The following RSU1 variants were observed in gnomAD, a reference collection of about 807,000 sequenced individuals.
The protein encoded by RSU1 is Ras suppressor protein 1, also known as rsu-1.
In RSU1, 26 loss-of-function variants were observed where a neutral mutation model predicts 31.1. The observed-to-expected ratio is 0.84, with a 90% confidence interval of 0.61 to 1.16. The LOEUF (loss-of-function observed/expected upper bound fraction) is 1.16, where lower values mean the gene tolerates loss of function less well. Ranked by LOEUF, RSU1 falls within the 50% of genes most tolerant of loss-of-function variation. RSU1 has a pLI of 0.00. For missense variants in RSU1, 320 were observed against 339.1 expected, an observed-to-expected ratio of 0.94 and a Z score of 0.44; for synonymous variants, 164 against 136.3, an observed-to-expected ratio of 1.20 and a Z score of -1.41.
intron 4 of RSU1, among the ~76,000 whole-genome samples, chr10:16,760,937 T>C (rs1837201044): frequency 6.6e-6 from 1 of 152,146 alleles, no homozygotes; most frequent in Non-Finnish European, 1.5e-5. Flanking sequence ...GGAGCTCGTT[T>C]ATTTATTTTT....
rs933542937 is a variant in RSU1 at position 16,604,334 on chromosome 10, G to A, written c.732-10838C>T. 2.0e-5 allele frequency among the ~76,000 whole-genome samples: 3 copies of A among 152,310 alleles called. No homozygotes were observed. In the East Asian group the frequency reaches 5.8e-4, roughly 29 times the overall value. ...CAGACCAGGGATATCAGCAAAGCTG[G>A]AGAGAGAACCTGCCCATCAGAGTCA... On this transcript the variant is annotated intron_variant, in intron 8 of 8. Transcript: ENST00000345264.
chr10:16,739,799 T>G (rs1836716275), intron 7 of RSU1, among the ~76,000 whole-genome samples: 1 of 152,000 alleles, frequency 6.6e-6, no homozygotes, highest in African/African-American at 2.4e-5. Context: ...TTTGTTGAGA[T>G]GGGGTTTCTC....
chr10:16,758,127 CAGTA>C (rs1261236137), intron 4 of RSU1, among the ~76,000 whole-genome samples: 4 of 152,210 alleles, frequency 2.6e-5, no homozygotes, highest in Admixed American at 2.0e-4. Context: ...CCGCTGACAG[CAGTA>C]AGTAACAGTG....
chr10:16,632,650 A>G (rs1292636751), intron 8 of RSU1, among the ~76,000 whole-genome samples: 4 of 152,106 alleles, frequency 2.6e-5, no homozygotes, highest in Non-Finnish European at 4.4e-5. Context: ...TAAGAACCCT[A>G]AAGACAGGCC....
intron 8 of RSU1, among the ~76,000 whole-genome samples, chr10:16,688,144 G>C (rs530718350): frequency 6.6e-6 from 1 of 152,142 alleles, no homozygotes; most frequent in South Asian, 2.1e-4. Flanking sequence ...TGAAATAAGA[G>C]ATGTGACACA....
chr10:16,653,147 G>A (rs557506648), intron 8 of RSU1, among the ~76,000 whole-genome samples: 175 of 152,300 alleles, frequency 1.1e-3, no homozygotes, highest in African/African-American at 3.9e-3. Flanking sequence ...CAGTGCTCAT[G>A]AGGCAAGCAA....
At chr10:16,762,515 A>AG (rs1491509519) in intron 4 of RSU1, among the ~76,000 whole-genome samples, 1 of 95,544 alleles carries the variant, frequency 1.0e-5, no homozygotes, top group African/African-American at 4.4e-5. Context: ...TTGTAGGGAG[A>AG]AAAAAAAAAA....
chr10:16,768,379 C>G (rs1235885678), intron 3 of RSU1, among the ~76,000 whole-genome samples: 1 of 152,210 alleles, frequency 6.6e-6, no homozygotes, highest in African/African-American at 2.4e-5. Flanking sequence ...AATTAGGAAG[C>G]TTAGTCATGT....
chr10:16,817,278 G>A (rs1838564205), intron 1 of RSU1, 37 bp downstream of exon 1: 2 of 581,590 alleles, frequency 3.4e-6, no homozygotes, highest in Non-Finnish European at 6.2e-6. Flanking sequence ...GCCACGCAGC[G>A]AGAAGCAACC....
chr10:16,637,391 G>A (rs773716113), intron 8 of RSU1, among the ~76,000 whole-genome samples: 1 of 152,006 alleles, frequency 6.6e-6, no homozygotes, highest in South Asian at 2.1e-4. Flanking sequence ...AGTGAACTTT[G>A]CTCCCCCATC....
At chr10:16,740,404 G>T (rs1836726914) in intron 7 of RSU1, among the ~76,000 whole-genome samples, 1 of 152,186 alleles carries the variant, frequency 6.6e-6, no homozygotes, top group African/African-American at 2.4e-5. Context: ...ATATTCTATG[G>T]TGAATGACTG....
chr10:16,643,070 C>T (rs747961911), intron 8 of RSU1, among the ~76,000 whole-genome samples: 5 of 152,112 alleles, frequency 3.3e-5, no homozygotes, highest in African/African-American at 4.8e-5. Context: ...TAAAACAGCA[C>T]GGCTATGTAG....
chr10:16,636,879 C>T (rs2131496983), intron 8 of RSU1, among the ~76,000 whole-genome samples: 1 of 152,318 alleles, frequency 6.6e-6, no homozygotes, highest in South Asian at 2.1e-4. Flanking sequence ...ATTCTTATCA[C>T]CCACCATTGG....
At chr10:16,759,800 T>C (rs1341233528) in intron 4 of RSU1, among the ~76,000 whole-genome samples, 2 of 152,210 alleles carry the variant, frequency 1.3e-5, no homozygotes, top group Non-Finnish European at 2.9e-5. Context: ...CTTATTCAGG[T>C]GGCCTAAAAT....
rs1489357883 is a variant in RSU1 at position 16,591,775 on chromosome 10, G to C, written c.*1619C>G. 1 of 151,998 alleles carries C rather than the reference G, an allele frequency of 6.6e-6. No homozygotes were observed. Among genetic ancestry groups the C allele is most frequent in the African/African-American group, 2.4e-5 (1 of 41,366 alleles). 9.4% of individuals were successfully genotyped at this position (151,998 alleles called of 1,614,324 possible). A position where few individuals can be genotyped will look rare whatever the true frequency, so the allele number is the denominator to read the frequency against. Reference sequence around the variant, plus strand: ...ATGCTTTCTTGCTGGTTTAATTTTAGGTTAAGTCTTTCCTATCCACAACAG... The same window carrying C: ...ATGCTTTCTTGCTGGTTTAATTTTACGTTAAGTCTTTCCTATCCACAACAG... On this transcript the variant is annotated 3_prime_UTR_variant, in exon 9 of 9. Transcript: ENST00000345264.
In RSU1 at chr10:16,646,472, C is replaced by T. The variant is rs113148997; in HGVS notation, c.731+48551G>A. Among the ~76,000 whole-genome samples the T allele has an allele frequency of 1.7e-4, 26 of 152,274 alleles. No individual in the cohort carries two copies. The East Asian group carries it at 2.1e-3, about 12-fold the overall frequency. ...CACCTCCTCTCTGACTCTTTTGCCC[C>T]GATCAAGTCCCTTCTCTCCAGCAGA... On this transcript the variant is annotated intron_variant, in intron 8 of 8. Transcript: ENST00000345264.
At chr10:16,770,040 T>C (rs574074068) in intron 3 of RSU1, among the ~76,000 whole-genome samples, 14 of 152,254 alleles carry the variant, frequency 9.2e-5, no homozygotes, top group African/African-American at 3.4e-4. Flanking sequence ...AGGGTAGTCA[T>C]ACAAAGAGAT....
intron 7 of RSU1, among the ~76,000 whole-genome samples, chr10:16,733,379 G>A (rs1836556459): frequency 6.6e-6 from 1 of 150,950 alleles, no homozygotes. Context: ...GTGGTGGCAG[G>A]TGCCTGTAAT....
chr10:16,759,721 T>G lies in RSU1; in HGVS notation c.281+4669A>C, dbSNP rs187051674. Among the ~76,000 whole-genome samples the G allele has an allele frequency of 6.9e-3, 1,045 of 152,336 alleles. 19 individuals carry two copies. Among genetic ancestry groups the G allele is most frequent in the African/African-American group, 0.024 (1,009 of 41,556 alleles). ...CACATCAACCTATGTGGCTTCACAC[T>G]TTTTGGAAAATAACTCTATGAAATA... On this transcript the variant is annotated intron_variant, in intron 4 of 8. Transcript: ENST00000345264.
Sources: allele counts gnomAD v4.1 joint callset (sites outside exome capture counted in the v4.1 genomes callset), GRCh38; gene constraint gnomAD v4.1.1; transcripts MANE v1.5; gene names NCBI Gene and HGNC (gene_info 2026-07-23, HGNC 2026-07-21).